Variants in SHROOM4 observed in about 807,000 individuals in gnomAD.
The protein encoded by SHROOM4 is shroom family member 4, also known as protein Shroom4.
In SHROOM4, 17 loss-of-function variants were observed where a neutral mutation model predicts 80.3. The observed-to-expected ratio is 0.21, with a 90% confidence interval of 0.14 to 0.32. The LOEUF (loss-of-function observed/expected upper bound fraction) is 0.32. SHROOM4 is among the 10% of genes least tolerant of loss of function. SHROOM4 has a pLI of 1.00. For missense variants in SHROOM4, 993 were observed against 1,140.3 expected, an observed-to-expected ratio of 0.87 and a Z score of 1.86; for synonymous variants, 400 against 437.5, an observed-to-expected ratio of 0.91 and a Z score of 1.07.
rs1928990710 is a variant in SHROOM4 at position 50,594,019 on chromosome X, T to A, written c.*2676A>T. ...TGTGATAGTAACTCATGCACTGACTTCTCTATCAGCCATCATGCTTGCCTA... is the reference window on the plus strand; with the variant it reads ...TGTGATAGTAACTCATGCACTGACTACTCTATCAGCCATCATGCTTGCCTA... On this transcript the variant is annotated 3_prime_UTR_variant, in exon 9 of 9. Coordinates refer to ENST00000376020, the MANE Select transcript of SHROOM4 (RefSeq NM_020717.5). 9.0e-6 allele frequency: 1 copy of A among 111,630 alleles called. No homozygotes were observed. The allele number at this position is 111,630 out of a possible 1,213,427, so 9.2% of individuals were successfully genotyped here.
At chrX:50,806,693 A>C (rs898178097) in intron 1 of SHROOM4, among the ~76,000 whole-genome samples, 2 of 112,301 alleles carry the variant, frequency 1.8e-5, no homozygotes, top group African/African-American at 6.5e-5. Flanking sequence ...CCAATATAAA[A>C]ACGTTACTTG....
At chrX:50,811,103 T>C (rs1220279046) in intron 1 of SHROOM4, among the ~76,000 whole-genome samples, 1 of 109,939 alleles carries the variant, frequency 9.1e-6, no homozygotes, top group African/African-American at 3.3e-5. Context: ...TTTGAAGGAG[T>C]TGGAGACCAG....
rs1211805331 is a variant in SHROOM4 at position 50,761,749 on chromosome X, C to T, written c.117+52153G>A. Among the ~76,000 whole-genome samples the T allele has an allele frequency of 3.6e-5, 4 of 110,574 alleles. No homozygotes were observed. In the South Asian group the frequency reaches 1.6e-3, roughly 43 times the overall value. ...GGCTTTTTTGTATTTTTAGTAGAGA[C>T]GGGGTTTCACCATGTTGGCCAGGCT... On this transcript the variant is annotated intron_variant, in intron 1 of 8. Transcript: ENST00000376020.
intron 1 of SHROOM4, among the ~76,000 whole-genome samples, chrX:50,729,332 A>T (rs1934312525): frequency 8.9e-6 from 1 of 112,039 alleles, no homozygotes; most frequent in Admixed American, 9.5e-5. Flanking sequence ...GACAGAAATT[A>T]TAAACAAGAT....
At chrX:50,630,778 A>C (rs1182191256) in intron 4 of SHROOM4, among the ~76,000 whole-genome samples, 2 of 111,827 alleles carry the variant, frequency 1.8e-5, no homozygotes, top group African/African-American at 6.5e-5. Context: ...ATATCCCCAT[A>C]AATTTTAAAA....
chrX:50,803,965 G>A (rs1320277113), intron 1 of SHROOM4, among the ~76,000 whole-genome samples: 1 of 111,643 alleles, frequency 9.0e-6, no homozygotes, highest in Non-Finnish European at 1.9e-5. Flanking sequence ...AATCATGGCT[G>A]GTCTTCCAAC....
At chrX:50,641,293 C>T (rs1557257133) in intron 2 of SHROOM4, among the ~76,000 whole-genome samples, 1 of 112,593 alleles carries the variant, frequency 8.9e-6, no homozygotes, top group African/African-American at 3.2e-5. Context: ...CAGATCCCCT[C>T]TGCCACTTTA....
At position 50,753,113 on chromosome X, in the gene SHROOM4, A is replaced by G. The variant is rs189144328; in HGVS notation, c.118-57176T>C. On this transcript the variant is annotated intron_variant, in intron 1 of 8. Coordinates refer to ENST00000376020, the MANE Select transcript of SHROOM4 (RefSeq NM_020717.5). ...AGTTCTTTGTTGGTCTTTCCTCTAG[A>G]TTACGTAAAGGACTTGAGTGGCATG... Among the ~76,000 whole-genome samples, 9 of 111,903 alleles carry G rather than the reference A, an allele frequency of 8.0e-5. No individual in the cohort carries two copies. In the East Asian group the frequency reaches 2.3e-3, roughly 28 times the overall value.
intron 1 of SHROOM4, among the ~76,000 whole-genome samples, chrX:50,812,594 A>G (rs150134251): frequency 2.9e-3 from 320 of 110,963 alleles, no homozygotes; most frequent in African/African-American, 9.9e-3. Context: ...CAGGGTTGCT[A>G]AGAGTGTGGG....
At chrX:50,578,094 C>T in the SHROOM4 span, among the ~76,000 whole-genome samples, 2 of 111,753 alleles carry the variant, frequency 1.8e-5, no homozygotes, top group African/African-American at 3.3e-5. Flanking sequence ...CACACATACA[C>T]GCACACACAC....
chrX:50,800,747 G>C (rs73483794), intron 1 of SHROOM4, among the ~76,000 whole-genome samples: 1,901 of 111,201 alleles, frequency 0.017, 37 homozygotes, highest in African/African-American at 0.059. Context: ...AGAATGGTCT[G>C]TAATACCAGG....
the SHROOM4 span, among the ~76,000 whole-genome samples, chrX:50,580,056 C>T: frequency 8.9e-6 from 1 of 111,806 alleles, no homozygotes; most frequent in Non-Finnish European, 1.9e-5. Context: ...ACTTCTCCCT[C>T]ACATCCCCAT....
chrX:50,602,891 T>TTTCAGATGGA, intron 6 of SHROOM4, 78 bp from the exon 7 acceptor site: 2 of 971,421 alleles, frequency 2.1e-6, no homozygotes, highest in Non-Finnish European at 2.9e-6. Flanking sequence ...TTTCTCCATC[T>TTTCAGATGGA]GAAAAATGGA....
At chrX:50,786,953 A>G (rs1413429320) in intron 1 of SHROOM4, among the ~76,000 whole-genome samples, 1 of 111,730 alleles carries the variant, frequency 9.0e-6, no homozygotes, top group Non-Finnish European at 1.9e-5. Flanking sequence ...ATGGTGGCTC[A>G]TGCCTGTAAT....
At chrX:50,699,725 T>G in intron 1 of SHROOM4, among the ~76,000 whole-genome samples, 1 of 111,887 alleles carries the variant, frequency 8.9e-6, no homozygotes, top group Non-Finnish European at 1.9e-5. Flanking sequence ...CAATGAAGCA[T>G]GAAGTACTCT....
intron 1 of SHROOM4, among the ~76,000 whole-genome samples, chrX:50,698,676 G>A (rs7060972): frequency 0.061 from 6,765 of 110,856 alleles, 544 homozygotes; most frequent in African/African-American, 0.21. Context: ...GATTTCTGAG[G>A]TCTAGCACGT....
At chrX:50,788,356 A>G (rs1394896641) in intron 1 of SHROOM4, among the ~76,000 whole-genome samples, 7 of 112,200 alleles carry the variant, frequency 6.2e-5, no homozygotes, top group African/African-American at 1.6e-4. Context: ...CACTCAATAC[A>G]GAAATCAAAA....
intron 1 of SHROOM4, 46 bp downstream of exon 1, chrX:50,813,856 C>T (rs1557273724): frequency 2.0e-6 from 2 of 1,014,180 alleles, no homozygotes; most frequent in Non-Finnish European, 2.8e-6. Context: ...ACCCGCTTGT[C>T]CATTCAAAGT....
At chrX:50,771,251 C>T (rs955138654) in intron 1 of SHROOM4, among the ~76,000 whole-genome samples, 5 of 112,067 alleles carry the variant, frequency 4.5e-5, no homozygotes, top group Non-Finnish European at 7.5e-5. Flanking sequence ...TTCTCTAGAG[C>T]GCAGCAGAAC....
Sources: allele counts gnomAD v4.1 joint callset (sites outside exome capture counted in the v4.1 genomes callset), GRCh38; gene constraint gnomAD v4.1.1; transcripts MANE v1.5; gene names NCBI Gene and HGNC (gene_info 2026-07-23, HGNC 2026-07-21).